THSD7A: variants seen among roughly 807,000 people sequenced by gnomAD.
THSD7A encodes thrombospondin type-1 domain-containing protein 7A.
In THSD7A, 96 loss-of-function variants were observed where a neutral mutation model predicts 231.3. The observed-to-expected ratio is 0.41, with a 90% CI of 0.35 to 0.49. THSD7A has a LOEUF of 0.49. Ranked by LOEUF, THSD7A falls within the 20% of genes least tolerant of loss-of-function variation. The pLI is 0.05. For missense variants in THSD7A, 2,290 were observed against 2,070.2 expected (o/e 1.11, Z -2.06); for synonymous variants, 940 against 743.3 (o/e 1.26, Z -4.30).
At chr7:11,415,495 C>T (rs1783929713) in intron 17 of THSD7A, among the ~76,000 whole-genome samples, 1 of 152,162 alleles carries the variant, frequency 6.6e-6, no homozygotes, top group South Asian at 2.1e-4. Flanking sequence ...AGCTTATTTT[C>T]CCAGGTTCAG....
At chr7:11,624,080 A>T (rs571407030) in intron 2 of THSD7A, among the ~76,000 whole-genome samples, 1 of 152,282 alleles carries the variant, frequency 6.6e-6, no homozygotes, top group South Asian at 2.1e-4. Context: ...GGCTGGTTAT[A>T]GGCAGACATC....
At position 11,379,191 on chromosome 7, in the gene THSD7A, T is replaced by C. The variant is rs772032562; in HGVS notation, c.4680A>G (p.Val1560=). The C allele has an allele frequency of 1.3e-5, 21 of 1,613,410 alleles. No homozygotes were observed. In the South Asian group the frequency reaches 1.6e-4, roughly 13 times the overall value. Residue 1560 remains valine, a synonymous_variant, in exon 26 of 28, where the codon GTA becomes GTG. Transcript: ENST00000423059. ...CTCTTTTGTCCTCCATGGTGGGTAA[T>C]ACCACCACGGGGATAAGTGTGCATT... is the stretch of plus-strand genomic sequence containing the variant. ...LEQCTLIPVV[V]LPTMEDKRGD...
intron 2 of THSD7A, among the ~76,000 whole-genome samples, chr7:11,622,303 T>C (rs2128353907): frequency 6.6e-6 from 1 of 152,100 alleles, no homozygotes; most frequent in Admixed American, 6.6e-5. Flanking sequence ...AAGAACTTTG[T>C]TTTCTCTTTT....
chr7:11,715,682 T>C (rs13307125), intron 1 of THSD7A, among the ~76,000 whole-genome samples: 20,772 of 151,402 alleles, frequency 0.14, 1,578 homozygotes, highest in Admixed American at 0.19. Context: ...AGCTACAGCG[T>C]TATTTGAATT....
chr7:11,531,423 G>A (rs996188275), intron 6 of THSD7A, among the ~76,000 whole-genome samples: 2 of 152,174 alleles, frequency 1.3e-5, no homozygotes, highest in Non-Finnish European at 1.5e-5. Flanking sequence ...GCCCCTGAAT[G>A]ATCTCAAGCC....
intron 6 of THSD7A, among the ~76,000 whole-genome samples, chr7:11,497,672 C>T (rs928894062): frequency 2.6e-5 from 4 of 152,112 alleles, no homozygotes; most frequent in Admixed American, 2.6e-4. Context: ...GCCAAGATAG[C>T]CGACTAGAAG....
intron 2 of THSD7A, among the ~76,000 whole-genome samples, chr7:11,595,612 C>G (rs1780332263): frequency 6.6e-6 from 1 of 152,310 alleles, no homozygotes; most frequent in South Asian, 2.1e-4. Context: ...GGATTAGTCA[C>G]TTTATACCTA....
intron 2 of THSD7A, among the ~76,000 whole-genome samples, chr7:11,610,752 C>A (rs1370615245): frequency 1.3e-5 from 2 of 152,068 alleles, no homozygotes; most frequent in African/African-American, 4.8e-5. Flanking sequence ...AGATAAATTG[C>A]AACAAATAGG....
chr7:11,531,388 C>T (rs28431010), intron 6 of THSD7A, among the ~76,000 whole-genome samples: 2,684 of 152,208 alleles, frequency 0.018, 81 homozygotes, highest in African/African-American at 0.059. Context: ...AATAGATTCC[C>T]ATCTTAGTCA....
At chr7:11,622,986 A>G (rs1480462721) in intron 2 of THSD7A, among the ~76,000 whole-genome samples, 1 of 152,172 alleles carries the variant, frequency 6.6e-6, no homozygotes, top group Non-Finnish European at 1.5e-5. Flanking sequence ...TTTTCCCACA[A>G]GGGGAGATGT....
At chr7:11,743,327 T>C (rs1782173197) in intron 1 of THSD7A, among the ~76,000 whole-genome samples, 1 of 151,886 alleles carries the variant, frequency 6.6e-6, no homozygotes, top group South Asian at 2.1e-4. Context: ...CTGAAATGTA[T>C]AGCAATTGAA....
intron 6 of THSD7A, among the ~76,000 whole-genome samples, chr7:11,514,493 A>G (rs1583884940): frequency 6.6e-6 from 1 of 152,210 alleles, no homozygotes; most frequent in South Asian, 2.1e-4. Flanking sequence ...ATTCATTTAG[A>G]GATTCACTCT....
At chr7:11,679,338 A>T (rs902283703) in intron 1 of THSD7A, among the ~76,000 whole-genome samples, 2 of 152,066 alleles carry the variant, frequency 1.3e-5, no homozygotes, top group Non-Finnish European at 2.9e-5. Flanking sequence ...ATTATTGATA[A>T]TTCTGGCCAG....
At chr7:11,808,095 T>A (rs573175494) in intron 1 of THSD7A, among the ~76,000 whole-genome samples, 1 of 152,182 alleles carries the variant, frequency 6.6e-6, no homozygotes, top group Admixed American at 6.5e-5. Context: ...GTCTCCTCCA[T>A]CCTAAGCTGT....
rs116814833 is a variant in THSD7A, at chr7:11,640,654, A to G, written c.191-3693T>C. On this transcript the variant is annotated intron_variant, in intron 1 of 27. Transcript: ENST00000423059. ...GATGATCACGGGTGTCAACTATAGT[A>G]TTTCTTACTAGAATATTCTCTTGTC... Among the ~76,000 whole-genome samples, 891 of 152,164 alleles carry G rather than the reference A, an allele frequency of 5.9e-3. 6 individuals carry two copies. Among genetic ancestry groups the G allele is most frequent in the African/African-American group, 0.02 (840 of 41,520 alleles).
chr7:11,488,886 A>T (rs1016784918), intron 6 of THSD7A, among the ~76,000 whole-genome samples: 2 of 152,048 alleles, frequency 1.3e-5, no homozygotes, highest in Non-Finnish European at 2.9e-5. Flanking sequence ...TTTTGCAAAC[A>T]CTGTTCTTCA....
In THSD7A at chr7:11,590,639, T is replaced by C. The variant is rs756843717; in HGVS notation, c.1274A>G (p.Tyr425Cys). 6.2e-6 allele frequency: 10 copies of C among 1,601,854 alleles called. No individual in the cohort carries two copies. The highest frequency in any genetic ancestry group is 2.2e-5 in the South Asian group (2 of 89,208). The change falls in exon 4 of 28, where the codon TAT becomes TGT. Residue 425 changes from tyrosine (Y) to cysteine (C), a missense_variant and splice_region_variant. Transcript: ENST00000423059. The surrounding 1 kb of genome is among the most constrained non-coding windows in gnomAD (Gnocchi z 4.4). ...AGTCCACTCTGTAGTTCTCCAGCCA[T>C]ACCTAAATAAAGACAACACCACCAG... ...QGDGVVPCAT[Y>C]GWRTTEWTEC...
intron 9 of THSD7A, 90 bp from the exon 10 acceptor site, chr7:11,462,233 C>T: frequency 7.1e-7 from 1 of 1,410,850 alleles, no homozygotes; most frequent in Non-Finnish European, 9.6e-7. Flanking sequence ...ACATTGCCTC[C>T]AGCTACATGT....
intron 9 of THSD7A, among the ~76,000 whole-genome samples, chr7:11,469,184 C>G (rs1785834276): frequency 6.6e-6 from 1 of 152,048 alleles, no homozygotes; most frequent in Non-Finnish European, 1.5e-5. Context: ...GAGACAGCGT[C>G]ATTTGTAACA....
Sources: gnomAD v4.1 joint callset for allele counts (sites outside exome capture counted in the v4.1 genomes callset) on GRCh38, gnomAD v4.1.1 for gene constraint, Gnocchi (gnomAD v3.1) non-coding constraint, MANE v1.5 for transcripts, NCBI Gene and HGNC (gene_info 2026-07-23, HGNC 2026-07-21) for gene names.